IQSEC3: variants seen among roughly 807,000 people sequenced by gnomAD.
IQSEC3 encodes IQ motif and Sec7 domain ArfGEF 3.
A neutral mutation model predicts 105.4 loss-of-function variants in IQSEC3; 50 were observed. The ratio of observed to expected loss-of-function variants is 0.47; its 90% CI spans 0.38 to 0.60. The LOEUF is 0.60. IQSEC3 is among the 20% of genes least tolerant of loss of function. The pLI, the probability that IQSEC3 is intolerant of heterozygous loss-of-function variation, is 0.00. For synonymous variants in IQSEC3, 708 were observed against 746.0 expected (o/e 0.95, Z 0.83); for missense variants, 1,415 against 1,630.0 (o/e 0.87, Z 2.27).
At chr12:160,489 G>A (rs1326978151) in intron 7 of IQSEC3, among the ~76,000 whole-genome samples, 1 of 152,180 alleles carries the variant, frequency 6.6e-6, no homozygotes, top group Admixed American at 6.5e-5. Context: ...AGATCTTTAA[G>A]TGGGAAGTGG....
chr12:133,989 C>T (rs1296374423), intron 3 of IQSEC3, among the ~76,000 whole-genome samples: 3 of 152,238 alleles, frequency 2.0e-5, no homozygotes, highest in Admixed American at 1.3e-4. Flanking sequence ...AGTGCCCCAG[C>T]GGCAGCGGAG....
chr12:142,349 T>C (rs1866065697), intron 5 of IQSEC3: 1 of 152,202 alleles, frequency 6.6e-6, no homozygotes, highest in South Asian at 2.1e-4. Context: ...GTGCCCATAT[T>C]GAGAAGCCCC....
chr12:104,124 G>A (rs1864560575), intron 2 of IQSEC3, among the ~76,000 whole-genome samples: 1 of 152,074 alleles, frequency 6.6e-6, no homozygotes, highest in African/African-American at 2.4e-5. Context: ...CAACGTGCTG[G>A]GCACTCTTGA....
rs1390737155 is a variant in IQSEC3, at chr12:138,433, G to A, written c.1070G>A (p.Arg357Gln). ...CGGCGGATCTCCCTGCGCAAGGTGC[G>A]GTCACCCACGGCCGAGAGCCTGGCG... ...LPRRISLRKV[R>Q]SPTAESLAAE... The change falls in exon 4 of 14, where the codon CGG (arginine) becomes CAG (glutamine). Residue 357 changes from arginine to glutamine, a missense_variant. Physicochemically the swap from Arg to Gln is conservative, Grantham distance 43 (BLOSUM62 1). Around this residue, in one of 6 missense-constraint regions of IQSEC3, gnomAD observed 720 missense variants for 633.0 expected, o/e 1.14. Coordinates refer to ENST00000538872, the MANE Select transcript of IQSEC3 (RefSeq NM_001170738.2). This position sits in a 1 kb window ranked among gnomAD's most constrained non-coding sequence, Gnocchi z 7.1. 5 of 1,606,296 alleles carry A rather than the reference G, an allele frequency of 3.1e-6. No individual in the cohort carries two copies. In the African/African-American group the frequency reaches 4.0e-5, roughly 13 times the overall value.
intron 13 of IQSEC3, 134 bp from the exon 14 acceptor site, chr12:174,465 T>G: frequency 3.8e-6 from 3 of 797,638 alleles, no homozygotes; most frequent in Non-Finnish European, 5.6e-6. Context: ...TTCTTGTGGG[T>G]GGAGAGATGG....
rs1591686195 is a variant in IQSEC3, at chr12:126,022, C to A, written c.903+110C>A. 2.9e-5 allele frequency: 32 copies of A among 1,121,942 alleles called. No individual in the cohort carries two copies. In the South Asian group the frequency reaches 4.6e-4, roughly 16 times the overall value. 69.5% of individuals were successfully genotyped at this position (1,121,942 alleles called of 1,614,324 possible). A position where few individuals can be genotyped will look rare whatever the true frequency, so the allele number is the denominator to read the frequency against. On this transcript the variant is annotated intron_variant, in intron 3 of 13. Transcript: ENST00000538872. Reference sequence around the variant, plus strand: ...CTGGGTCCCCTCCGCTACAGGCACACCTCTTTTGCCACAGTTCTCCTGCAT... The same window carrying A: ...CTGGGTCCCCTCCGCTACAGGCACAACTCTTTTGCCACAGTTCTCCTGCAT...
intron 4 of IQSEC3, chr12:139,841 G>A (rs11061622): frequency 0.065 from 9,940 of 153,714 alleles, 416 homozygotes; most frequent in Non-Finnish European, 0.096. Flanking sequence ...CAGGAGAGGG[G>A]AGGGCTACGA....
chr12:175,993 C>T lies in IQSEC3; in HGVS notation c.*960C>T, dbSNP rs1233471278. On this transcript the variant is annotated 3_prime_UTR_variant, in exon 14 of 14. Coordinates refer to ENST00000538872, the MANE Select transcript of IQSEC3 (RefSeq NM_001170738.2). ...AGGCAGGGCTCCCTCCTGCATGAGG[C>T]TCGGCCCGAGGCAGGGCTCCCTCCT... The T allele has an allele frequency of 2.8e-5, 4 of 142,244 alleles. No homozygotes were observed. The highest frequency in any genetic ancestry group is 3.9e-4 in the East Asian group (2 of 5,178). 8.8% of individuals were successfully genotyped at this position (142,244 alleles called of 1,614,324 possible).
chr12:122,126 T>C (rs1371986201), intron 2 of IQSEC3, among the ~76,000 whole-genome samples: 12 of 152,304 alleles, frequency 7.9e-5, no homozygotes, highest in Middle Eastern at 3.4e-3. Context: ...CACTTTTTCA[T>C]TGTATACCTG....
chr12:111,851 C>T (rs1244315210), intron 2 of IQSEC3: 1 of 152,144 alleles, frequency 6.6e-6, no homozygotes, highest in Admixed American at 6.5e-5. Flanking sequence ...AACAGACTCA[C>T]CCGTCCAAAC....
rs2136917378 is a variant in IQSEC3, at chr12:99,203, G to A, written c.612G>A (p.Leu204=). The change falls in exon 2 of 14, where the codon CTG becomes CTA. Residue 204 remains leucine, a synonymous_variant. Coordinates refer to ENST00000538872, the MANE Select transcript of IQSEC3 (RefSeq NM_001170738.2). ...CAGCCGCCGACGCCTGCTCCGACCT[G>A]GCCTCCCAAAGGTGGGAACTGTGGC... is the stretch of plus-strand genomic sequence containing the variant. ...CCPAADACSD[L]ASQSDGSCTQ... 1.3e-6 allele frequency: 2 copies of A among 1,598,666 alleles called. No individual in the cohort carries two copies. The highest frequency in any genetic ancestry group is 1.1e-5 in the South Asian group (1 of 90,882).
chr12:93,407 C>T (rs1223218034), intron 1 of IQSEC3, among the ~76,000 whole-genome samples: 1 of 152,178 alleles, frequency 6.6e-6, no homozygotes, highest in Non-Finnish European at 1.5e-5. Flanking sequence ...CAAGAGATCC[C>T]GTCCCTTCCT....
Position 125,745 on chromosome 12 carries a change from C to G in IQSEC3, c.736C>G (p.Leu246Val). ...AHAPKAQAQE[L>V]QEEEERPGAG... ...TGCCCCGAAGGCTCAAGCCCAGGAG[C>G]TGCAGGAGGAGGAGGAGCGGCCGGG... The change falls in exon 3 of 14, where the codon CTG becomes GTG. Residue 246 changes from leucine to valine, a missense_variant. Transcript: ENST00000538872. 1 of 1,521,348 alleles carries G rather than the reference C, an allele frequency of 6.6e-7. No homozygotes were observed. Among genetic ancestry groups the G allele is most frequent in the Non-Finnish European group, 8.8e-7 (1 of 1,142,832 alleles). 94.2% of individuals were successfully genotyped at this position (1,521,348 alleles called of 1,614,324 possible).
chr12:140,418 T>G (rs1163375566), intron 4 of IQSEC3: 1 of 152,178 alleles, frequency 6.6e-6, no homozygotes, highest in Non-Finnish European at 1.5e-5. Context: ...TTCTGCAGTG[T>G]CTCTTCTGCA....
At chr12:116,555 G>A (rs527296124) in intron 2 of IQSEC3, among the ~76,000 whole-genome samples, 7 of 152,218 alleles carry the variant, frequency 4.6e-5, no homozygotes, top group Admixed American at 6.5e-5. Context: ...ACTCCATTTT[G>A]TTTTCTAAAA....
intron 5 of IQSEC3, among the ~76,000 whole-genome samples, chr12:154,090 G>A (rs782121548): frequency 3.3e-5 from 5 of 152,114 alleles, no homozygotes; most frequent in African/African-American, 7.2e-5. Flanking sequence ...AGCCCTCCCC[G>A]CTTCGAGGCC....
At chr12:158,723 G>A (rs4980856) in intron 7 of IQSEC3, among the ~76,000 whole-genome samples, 82,956 of 152,060 alleles carry the variant, frequency 0.55, 22,760 homozygotes, top group Admixed American at 0.59. Flanking sequence ...CAGTGGTGCA[G>A]TCTCAGCTCA....
chr12:112,186 C>G (rs1211683189), intron 2 of IQSEC3, among the ~76,000 whole-genome samples: 1 of 151,884 alleles, frequency 6.6e-6, no homozygotes, highest in Non-Finnish European at 1.5e-5. Context: ...ACCGAAGTAG[C>G]TGGGCAGGCT....
In IQSEC3 at chr12:128,526, A is replaced by T. The variant is rs565678017; in HGVS notation, c.903+2614A>T. On this transcript the variant is annotated intron_variant, in intron 3 of 13. Coordinates refer to ENST00000538872, the MANE Select transcript of IQSEC3 (RefSeq NM_001170738.2). Reference sequence around the variant, plus strand: ...TTCCATGGCCTGGGAGGGGTGTTGGACAATCTTAGCTCCCCAGCCCACCGA... The same window carrying T: ...TTCCATGGCCTGGGAGGGGTGTTGGTCAATCTTAGCTCCCCAGCCCACCGA... 4.2e-4 allele frequency among the ~76,000 whole-genome samples: 63 copies of T among 148,242 alleles called. 1 individual carries two copies. The highest frequency in any genetic ancestry group is 1.7e-3 in the Admixed American group (25 of 14,940).
Sources: gnomAD v4.1 joint callset for allele counts (sites outside exome capture counted in the v4.1 genomes callset) on GRCh38, gnomAD v4.1.1 for gene constraint, gnomAD v4.1.1 regional missense constraint, Gnocchi (gnomAD v3.1) non-coding constraint, MANE v1.5 for transcripts, NCBI Gene and HGNC (gene_info 2026-07-23, HGNC 2026-07-21) for gene names.